Variants in SMAD5 observed in about 807,000 individuals in gnomAD.
SMAD5 encodes the protein SMAD family member 5, also known as MAD, mothers against decapentaplegic homolog 5.
Under a neutral mutation model 43.1 loss-of-function variants are expected in SMAD5, and 9 were observed. That is an observed-to-expected ratio of 0.21 (90% confidence interval 0.13 to 0.36). The LOEUF is 0.36. SMAD5 is among the 10% of genes least tolerant of loss of function. SMAD5 has a pLI of 1.00. For missense variants in SMAD5, 348 were observed against 574.0 expected, an observed-to-expected ratio of 0.61 and a Z score of 4.02; for synonymous variants, 190 against 192.4, an observed-to-expected ratio of 0.99 and a Z score of 0.10.
intron 1 of SMAD5, among the ~76,000 whole-genome samples, chr5:136,139,379 A>C (rs1752995931): frequency 6.6e-6 from 1 of 152,162 alleles, no homozygotes; most frequent in Middle Eastern, 3.2e-3. Flanking sequence ...TATAAAACTT[A>C]ACCCTGAATC....
At chr5:136,142,416 C>G (rs1488414701) in intron 1 of SMAD5, among the ~76,000 whole-genome samples, 1 of 152,032 alleles carries the variant, frequency 6.6e-6, no homozygotes, top group Non-Finnish European at 1.5e-5. Flanking sequence ...GGCTGAGGTA[C>G]CACTGCATCT....
chr5:136,169,289 A>G (rs1291019312), intron 5 of SMAD5, among the ~76,000 whole-genome samples: 1 of 152,188 alleles, frequency 6.6e-6, no homozygotes, highest in Non-Finnish European at 1.5e-5. Flanking sequence ...TGCCTGCTTT[A>G]TCCTAGCCAC....
intron 3 of SMAD5, 125 bp downstream of exon 3, chr5:136,154,288 C>G: frequency 1.6e-6 from 1 of 627,148 alleles, no homozygotes; most frequent in Non-Finnish European, 2.5e-6. Context: ...CTTAAATATT[C>G]TAATCTTGGA....
chr5:136,165,815 A>G (rs933699784), intron 5 of SMAD5, among the ~76,000 whole-genome samples: 5 of 151,210 alleles, frequency 3.3e-5, no homozygotes, highest in Admixed American at 1.3e-4. Flanking sequence ...TTGTTTATCT[A>G]TTCATCCATT....
At chr5:136,170,034 C>G (rs186591446) in intron 5 of SMAD5, among the ~76,000 whole-genome samples, 3 of 149,752 alleles carry the variant, frequency 2.0e-5, no homozygotes, top group African/African-American at 7.4e-5. Flanking sequence ...TTTTTTTTTT[C>G]CTAATCTGTG....
At chr5:136,174,780 A>G in intron 7 of SMAD5, 148 bp downstream of exon 7, 1 of 590,986 alleles carries the variant, frequency 1.7e-6, no homozygotes, top group South Asian at 2.3e-5. Flanking sequence ...TTGAATTTGT[A>G]ATTTTAACTA....
chr5:136,137,688 T>G (rs764909528), intron 1 of SMAD5, among the ~76,000 whole-genome samples: 2 of 152,192 alleles, frequency 1.3e-5, no homozygotes, highest in South Asian at 2.1e-4. Flanking sequence ...AAAGCCAGTC[T>G]TCTTCTGTTT....
chr5:136,137,088 G>A (rs1192493789), intron 1 of SMAD5, among the ~76,000 whole-genome samples: 1 of 147,934 alleles, frequency 6.8e-6, no homozygotes, highest in Non-Finnish European at 1.5e-5. Context: ...GTAGAGTGGT[G>A]TTTTCAGTGA....
At chr5:136,133,387 GC>G (rs1180108076) in intron 1 of SMAD5, 1 of 152,560 alleles carries the variant, frequency 6.6e-6, no homozygotes, top group African/African-American at 2.4e-5. Context: ...GGCAGCCTGG[GC>G]TGCTGCACTG....
chr5:136,169,291 C>T (rs6877690), intron 5 of SMAD5, among the ~76,000 whole-genome samples: 54,776 of 152,018 alleles, frequency 0.36, 10,862 homozygotes, highest in African/African-American at 0.54. Flanking sequence ...CCTGCTTTAT[C>T]CTAGCCACGC....
chr5:136,163,305 A>G lies in SMAD5; in HGVS notation c.689A>G (p.Asp230Gly). 1 of 1,611,442 alleles carries G rather than the reference A, an allele frequency of 6.2e-7. No individual in the cohort carries two copies. Among genetic ancestry groups the G allele is most frequent in the Non-Finnish European group, 8.5e-7 (1 of 1,178,308 alleles). ...DTPPPAYMPP[D>G]DQMGQDNSQP... ...CCTCCTCCTGCCTATATGCCACCTG[A>G]TGATCAGATGGGTCAAGATAATTCC... Residue 230 changes from aspartate to glycine, a missense_variant, in exon 5 of 8, where the codon GAT (aspartate) becomes GGT (glycine). This residue lies in a region of SMAD5 where 185 missense variants were observed against 207.0 expected (regional missense o/e 0.89). Coordinates refer to ENST00000545279, the MANE Select transcript of SMAD5 (RefSeq NM_005903.7).
intron 1 of SMAD5, among the ~76,000 whole-genome samples, chr5:136,145,535 T>C (rs2149763111): frequency 6.6e-6 from 1 of 151,614 alleles, no homozygotes; most frequent in East Asian, 1.9e-4. Flanking sequence ...ACTTTGCAGC[T>C]TTTTCTTCCT....
At chr5:136,143,266 CTT>C (rs71583248) in intron 1 of SMAD5, among the ~76,000 whole-genome samples, 7 of 141,948 alleles carry the variant, frequency 4.9e-5, no homozygotes, top group Non-Finnish European at 3.1e-5. Context: ...CCTCGTATCT[CTT>C]TTTTTTTTTT....
At chr5:136,173,131 G>A (rs1487781064) in intron 6 of SMAD5, among the ~76,000 whole-genome samples, 3 of 152,126 alleles carry the variant, frequency 2.0e-5, no homozygotes, top group Non-Finnish European at 4.4e-5. Flanking sequence ...ATTAGAAATG[G>A]GAAATCTAGT....
Position 136,175,521 on chromosome 5 carries a change from A to G in SMAD5, c.1254+889A>G, listed in dbSNP as rs551809125. On this transcript the variant is annotated intron_variant, in intron 7 of 7. Transcript: ENST00000545279. ...AAGGAACTTTTCAAGTTTTTCATCT[A>G]CTCTCTTCACCTGACTGTATTGACA... Among the ~76,000 whole-genome samples the G allele has an allele frequency of 3.9e-5, 6 of 152,092 alleles. No homozygotes were observed. In the East Asian group the frequency reaches 9.7e-4, roughly 24 times the overall value.
intron 1 of SMAD5, among the ~76,000 whole-genome samples, chr5:136,137,950 C>T (rs1416103833): frequency 6.6e-6 from 1 of 152,172 alleles, no homozygotes; most frequent in Non-Finnish European, 1.5e-5. Context: ...ACACATTTTA[C>T]AGTCATGATT....
Position 136,154,055 on chromosome 5 carries a change from CAG to C in SMAD5, c.298_299del (p.His101SerfsTer2). ...TCGTGTTTGGCGCTGGCCGGATTTG[CAG>C]AGTCATCATGAGCTAAAGCCGTTGG... ...YCRVWRWPDL[Q>X]SHHELKPLDI... On this transcript the variant is annotated frameshift_variant, in exon 3 of 8. Transcript: ENST00000545279. LOFTEE classifies it high-confidence loss of function. 6.2e-7 allele frequency: 1 copy of C among 1,604,126 alleles called. No individual in the cohort carries two copies. Among genetic ancestry groups the C allele is most frequent in the South Asian group, 1.1e-5 (1 of 89,124 alleles).
At chr5:136,137,158 GTTCT>G (rs1357814122) in intron 1 of SMAD5, among the ~76,000 whole-genome samples, 2 of 151,086 alleles carry the variant, frequency 1.3e-5, no homozygotes, top group Non-Finnish European at 2.9e-5. Flanking sequence ...GCAAGAAAGA[GTTCT>G]TTATTAAGTC....
At chr5:136,168,235 T>C (rs955927720) in intron 5 of SMAD5, among the ~76,000 whole-genome samples, 1 of 152,210 alleles carries the variant, frequency 6.6e-6, no homozygotes, top group Non-Finnish European at 1.5e-5. Flanking sequence ...AGCTTCCATG[T>C]ATCTCTTCTA....
Sources: gnomAD v4.1 joint callset for allele counts (sites outside exome capture counted in the v4.1 genomes callset) on GRCh38, gnomAD v4.1.1 for gene constraint, gnomAD v4.1.1 regional missense constraint, MANE v1.5 for transcripts, NCBI Gene and HGNC (gene_info 2026-07-23, HGNC 2026-07-21) for gene names.